The following CNOT1 variants were observed in gnomAD, a reference collection of about 807,000 sequenced individuals.
CNOT1 encodes the protein CCR4-associated factor 1.
A neutral mutation model predicts 273.8 loss-of-function variants in CNOT1; 15 were observed. That is an observed-to-expected ratio of 0.05 (90% confidence interval 0.04 to 0.08). CNOT1 has a LOEUF of 0.08. CNOT1 is among the 10% of genes least tolerant of loss of function. CNOT1 has a pLI of 1.00. For missense variants in CNOT1, 1,644 were observed against 2,912.2 expected (o/e 0.56, Z 10.02); for synonymous variants, 1,022 against 1,005.5 (o/e 1.02, Z -0.31).
Position 58,539,940 on chromosome 16 carries a change from T to A in CNOT1, c.4820A>T (p.Asp1607Val), listed in dbSNP as rs1294435999. The change falls in exon 35 of 49, where the codon GAT becomes GTT. Residue 1607 changes from aspartate to valine, a missense_variant. Transcript: ENST00000317147. ...QPMKQAWATD[D>V]VAQIYDKCIT... is the part of the protein sequence containing the mutation. ...ACACTTATCATAAATCTGAGCTACA[T>A]CATCTGTTGCCCAAGCTTGCTGTTT... The A allele has an allele frequency of 6.2e-7, 1 of 1,606,836 alleles. No individual in the cohort carries two copies. Among genetic ancestry groups the A allele is most frequent in the South Asian group, 1.1e-5 (1 of 89,660 alleles).
intron 42 of CNOT1, among the ~76,000 whole-genome samples, chr16:58,531,361 G>A (rs1323476342): frequency 6.6e-6 from 1 of 152,138 alleles, no homozygotes; most frequent in Non-Finnish European, 1.5e-5. Context: ...TTAATTCCAA[G>A]ATGGGAGGAA....
chr16:58,600,547 T>C (rs1007776694), intron 1 of CNOT1, among the ~76,000 whole-genome samples: 29 of 152,326 alleles, frequency 1.9e-4, no homozygotes, highest in African/African-American at 6.0e-4. Flanking sequence ...TAAGACACTA[T>C]GTATTCACTT....
At chr16:58,624,681 C>A (rs1192257099) in intron 1 of CNOT1, 1 of 152,066 alleles carries the variant, frequency 6.6e-6, no homozygotes, top group East Asian at 1.9e-4. Flanking sequence ...GCCTGTAATC[C>A]CAGCTACTCG....
Position 58,545,485 on chromosome 16 carries a change from G to A in CNOT1, c.4013C>T (p.Ser1338Phe), listed in dbSNP as rs1400082169. The A allele has an allele frequency of 1.2e-6, 2 of 1,613,898 alleles. No homozygotes were observed. Among genetic ancestry groups the A allele is most frequent in the Admixed American group, 3.3e-5 (2 of 59,966 alleles). Residue 1338 changes from serine to phenylalanine, a missense_variant, in exon 30 of 49, where the codon TCT becomes TTT. This residue lies in a region of CNOT1 where 52 missense variants were observed against 50.2 expected (regional missense o/e 1.04). Coordinates refer to ENST00000317147, the MANE Select transcript of CNOT1 (RefSeq NM_016284.5). ...ELPPITTTTT[S>F]TTPATNTTCT... ...AGTGGTGTTGGTAGCTGGTGTAGTA[G>A]AAGTTGCTAAATGTCAAGTAATAAA...
chr16:58,570,883 T>C (rs1376500365), intron 16 of CNOT1, among the ~76,000 whole-genome samples: 1 of 149,926 alleles, frequency 6.7e-6, no homozygotes, highest in Non-Finnish European at 1.5e-5. Context: ...AAAATATCTA[T>C]TTAACAGTAA....
At position 58,532,141 on chromosome 16, in the gene CNOT1, G is replaced by T. The variant is rs1409793281; in HGVS notation, c.6060-66C>A. On this transcript the variant is annotated intron_variant, in intron 41 of 48. Transcript: ENST00000317147. ...TAAATACAGTGAACAGCACATGAAT[G>T]TAGGCTCAAAATGCTCAAGAGTTCT... 8 of 1,607,266 alleles carry T rather than the reference G, an allele frequency of 5.0e-6. No individual in the cohort carries two copies. In the African/African-American group the frequency reaches 1.1e-4, roughly 22 times the overall value.
intron 47 of CNOT1, 132 bp from the exon 48 acceptor site, chr16:58,521,449 A>C: frequency 1.2e-6 from 1 of 842,874 alleles, no homozygotes; most frequent in East Asian, 2.6e-5. Flanking sequence ...TAGTAAAGAC[A>C]GGTGGATTAA....
chr16:58,573,859 C>G (rs1055440393), intron 16 of CNOT1, among the ~76,000 whole-genome samples: 2 of 151,960 alleles, frequency 1.3e-5, no homozygotes, highest in Non-Finnish European at 2.9e-5. Context: ...AACAACAAAG[C>G]TGGGAAATTC....
Position 58,526,812 on chromosome 16 carries a change from C to T in CNOT1, c.6454-674G>A, listed in dbSNP as rs574006887. 4.8e-5 allele frequency among the ~76,000 whole-genome samples: 6 copies of T among 124,186 alleles called. 1 individual carries two copies. In the East Asian group the frequency reaches 7.2e-4, roughly 15 times the overall value. 81.5% of individuals were successfully genotyped at this position (124,186 alleles called of 152,430 possible). On this transcript the variant is annotated intron_variant, in intron 44 of 48. Coordinates refer to ENST00000317147, the MANE Select transcript of CNOT1 (RefSeq NM_016284.5). ...AGCCTGGGCAACAAGAACGAAACTC[C>T]GTCTCAAAAAAAAAAAAAAAAAAAA...
At position 58,556,829 on chromosome 16, in the gene CNOT1, GACA is replaced by G. The variant is rs751694622; in HGVS notation, c.2479+15_2479+17del. The stretch of plus-strand genomic sequence containing the variant: ...TTATCAGTCACACTTCACAATCACA[GACA>G]ACACTACCACTTACAAGGTTTCATC... On this transcript the variant is annotated intron_variant, in intron 19 of 48. Transcript: ENST00000317147. The G allele has an allele frequency of 6.2e-7, 1 of 1,610,164 alleles. No homozygotes were observed. Among genetic ancestry groups the G allele is most frequent in the Non-Finnish European group, 8.5e-7 (1 of 1,178,288 alleles).
chr16:58,608,520 C>A (rs988678649), intron 1 of CNOT1, among the ~76,000 whole-genome samples: 1 of 147,862 alleles, frequency 6.8e-6, no homozygotes, highest in African/African-American at 2.5e-5. Flanking sequence ...CATCACTGCA[C>A]TCCAGCCTGG....
chr16:58,546,855 TA>T, intron 27 of CNOT1, 106 bp from the exon 28 acceptor site: 1 of 1,370,466 alleles, frequency 7.3e-7, no homozygotes. Context: ...GTCAAACAAA[TA>T]AAAAACAAAA....
intron 2 of CNOT1, among the ~76,000 whole-genome samples, 160 bp from the exon 3 acceptor site, chr16:58,589,066 T>C (rs992303678): frequency 3.2e-4 from 48 of 152,274 alleles, no homozygotes; most frequent in East Asian, 3.9e-4. Flanking sequence ...GAAGTGCCCA[T>C]AATTTATAAC....
chr16:58,605,868 G>A (rs931791888), intron 1 of CNOT1, among the ~76,000 whole-genome samples: 2 of 151,976 alleles, frequency 1.3e-5, no homozygotes, highest in African/African-American at 4.8e-5. Flanking sequence ...TGTTTCCCAG[G>A]CTGGTCTCAA....
At chr16:58,623,762 G>A (rs1178993527) in intron 1 of CNOT1, among the ~76,000 whole-genome samples, 4 of 152,130 alleles carry the variant, frequency 2.6e-5, no homozygotes. Context: ...GCTGAGGTGG[G>A]TCGATCGCTT....
chr16:58,575,357 A>G (rs1372663158), intron 14 of CNOT1, among the ~76,000 whole-genome samples: 5 of 152,184 alleles, frequency 3.3e-5, no homozygotes, highest in African/African-American at 1.2e-4. Flanking sequence ...CCTTCCAAAC[A>G]AACTTTACCG....
In CNOT1 at chr16:58,558,623, G is replaced by C. The variant is rs761327694; in HGVS notation, c.2182C>G (p.Pro728Ala). Residue 728 changes from proline (P) to alanine (A), a missense_variant, in exon 18 of 49, where the codon CCT (proline) becomes GCT (alanine). Physicochemically the swap from Pro to Ala is conservative, Grantham distance 27. Around this residue, in one of 13 missense-constraint regions of CNOT1, gnomAD observed 706 missense variants for 1,021.2 expected, o/e 0.69. Coordinates refer to ENST00000317147, the MANE Select transcript of CNOT1 (RefSeq NM_016284.5). ...TSLSIGGSAA[P>A]HTQSMQGFPP... ...AAACCCTGCATACTCTGGGTGTGAG[G>C]GGCAGCTGAACCACCTATACTAAGA... 1.2e-6 allele frequency: 2 copies of C among 1,613,384 alleles called. No individual in the cohort carries two copies. The highest frequency in any genetic ancestry group is 1.1e-5 in the South Asian group (1 of 90,966).
intron 16 of CNOT1, among the ~76,000 whole-genome samples, chr16:58,566,298 T>G (rs180865569): frequency 6.6e-6 from 1 of 152,374 alleles, no homozygotes; most frequent in East Asian, 1.9e-4. Flanking sequence ...TATTTATTAG[T>G]TGAAATAACT....
At position 58,575,013 on chromosome 16, in the gene CNOT1, C is replaced by A; in HGVS notation, c.1821G>T (p.Glu607Asp). ...ATGAACAAATCCTGCTTACCCCATG[C>A]TCTCGAATTTTATCTGTGAGCCACT... ...LDKWLTDKIREHGEPFIQACM... is the reference protein window; with the variant it reads ...LDKWLTDKIRDHGEPFIQACM... The change falls in exon 15 of 49, where the codon GAG becomes GAT. Residue 607 changes from glutamate (E) to aspartate (D), a missense_variant. Transcript: ENST00000317147. 6.2e-7 allele frequency: 1 copy of A among 1,613,814 alleles called. No individual in the cohort carries two copies. Among genetic ancestry groups the A allele is most frequent in the Non-Finnish European group, 8.5e-7 (1 of 1,179,968 alleles).
Sources: gnomAD v4.1 joint callset for allele counts (sites outside exome capture counted in the v4.1 genomes callset) on GRCh38, gnomAD v4.1.1 for gene constraint, gnomAD v4.1.1 regional missense constraint, MANE v1.5 for transcripts, NCBI Gene and HGNC (gene_info 2026-07-23, HGNC 2026-07-21) for gene names.